GUSB: variants seen among roughly 807,000 people sequenced by gnomAD.
The protein encoded by GUSB is glucuronidase beta.
A neutral mutation model predicts 74.6 loss-of-function variants in GUSB; 51 were observed. The observed-to-expected ratio is 0.68, with a 90% CI of 0.55 to 0.86. The LOEUF (loss-of-function observed/expected upper bound fraction) is 0.86. Among genes scored for constraint, GUSB ranks in the 40% least tolerant of loss-of-function variants. The pLI, the probability that GUSB is intolerant of heterozygous loss-of-function variation, is 0.00. For synonymous variants in GUSB, 360 were observed against 348.3 expected (o/e 1.03, Z -0.37); for missense variants, 736 against 853.7 (o/e 0.86, Z 1.72).
intron 8 of GUSB, among the ~76,000 whole-genome samples, chr7:65,971,171 T>G (rs1791181166): frequency 6.6e-6 from 1 of 152,068 alleles, no homozygotes; most frequent in South Asian, 2.1e-4. Flanking sequence ...GATGCAGATT[T>G]GGGAGGGATA....
intron 4 of GUSB, 130 bp from the exon 5 acceptor site, chr7:65,976,332 T>A: frequency 3.2e-6 from 1 of 317,372 alleles, no homozygotes; most frequent in Non-Finnish European, 5.8e-6. Context: ...TAATTTCTTA[T>A]TTTTTTTTTT....
chr7:65,967,939 C>G, intron 9 of GUSB, 32 bp from the exon 10 acceptor site: 1 of 1,580,178 alleles, frequency 6.3e-7, no homozygotes, highest in South Asian at 1.1e-5. Context: ...CCGTTCAGCA[C>G]TCAGTAGACA....
intron 11 of GUSB, chr7:65,964,066 C>A: frequency 2.0e-6 from 1 of 498,678 alleles, no homozygotes; most frequent in East Asian, 3.9e-5. Flanking sequence ...AAAGGCAAGC[C>A]AGCCATTTCC....
chr7:65,974,918 C>T lies in GUSB; in HGVS notation c.1065+1G>A, dbSNP rs144455622. ...ACAAGGACCCAGGAGCCCCAACACACGTCCGCATCCTCATGCTTGTTGACA... is the reference window on the plus strand; with the variant it reads ...ACAAGGACCCAGGAGCCCCAACACATGTCCGCATCCTCATGCTTGTTGACA... On this transcript the variant is annotated splice_donor_variant, in intron 6 of 11. Transcript: ENST00000304895. LOFTEE classifies it high-confidence loss of function. 5.6e-6 allele frequency: 9 copies of T among 1,613,470 alleles called. No homozygotes were observed. Among genetic ancestry groups the T allele is most frequent in the South Asian group, 1.1e-5 (1 of 91,052 alleles).
At chr7:65,979,685 C>T (rs754898172) in intron 3 of GUSB, 42 bp downstream of exon 3, 27 of 1,597,006 alleles carry the variant, frequency 1.7e-5, no homozygotes, top group African/African-American at 2.7e-5. Flanking sequence ...CAGGGTGGGG[C>T]GGGAAGGTGG....
chr7:65,962,757 A>G (rs949988125), intron 11 of GUSB, among the ~76,000 whole-genome samples: 16 of 151,796 alleles, frequency 1.1e-4, no homozygotes, highest in African/African-American at 3.9e-4. Context: ...CTGCAATCCC[A>G]GTTAATCGGG....
intron 2 of GUSB, 65 bp from the exon 3 acceptor site, chr7:65,979,976 G>A (rs184274015): frequency 6.3e-4 from 840 of 1,337,542 alleles, no homozygotes; most frequent in Non-Finnish European, 7.6e-4. Flanking sequence ...CCCTACTATC[G>A]GGCACTCCCT....
At chr7:65,974,472 C>A (rs1018693505) in intron 7 of GUSB, 31 bp from the exon 8 acceptor site, 1 of 1,614,010 alleles carries the variant, frequency 6.2e-7, no homozygotes, top group Non-Finnish European at 8.5e-7. Flanking sequence ...GACAGAGGGT[C>A]ACGGTGACGC....
In GUSB at chr7:65,972,306, C is replaced by T. The variant is rs573003769; in HGVS notation, c.1392-1940G>A. On this transcript the variant is annotated intron_variant, in intron 8 of 11. Coordinates refer to ENST00000304895, the MANE Select transcript of GUSB (RefSeq NM_000181.4). ...CCTCCCAAGTAGCTGGGATTACAGA[C>T]GCCCACCTCTGTGTTCCGCTAATTG... 1.3e-3 allele frequency among the ~76,000 whole-genome samples: 200 copies of T among 152,116 alleles called. 1 individual carries two copies. The highest frequency in any genetic ancestry group is 4.5e-3 in the African/African-American group (186 of 41,534).
Position 65,979,465 on chromosome 7 carries a change from G to A in GUSB, c.658C>T (p.Leu220=), listed in dbSNP as rs760324067. 3 of 1,613,766 alleles carry A rather than the reference G, an allele frequency of 1.9e-6. No individual in the cohort carries two copies. Among genetic ancestry groups the A allele is most frequent in the South Asian group, 2.2e-5 (2 of 91,076 alleles). ...ATGTAGGTGGTGGGTGTCGTGTACAGAAGTACAGACCGCTGCAGTCCAGCG... is the reference window on the plus strand; with the variant it reads ...ATGTAGGTGGTGGGTGTCGTGTACAAAAGTACAGACCGCTGCAGTCCAGCG... ...NYAGLQRSVL[L]YTTPTTYIDD... The change falls in exon 4 of 12, where the codon CTG becomes TTG. Residue 220 remains leucine (L), a synonymous_variant. Coordinates refer to ENST00000304895, the MANE Select transcript of GUSB (RefSeq NM_000181.4).
rs541962464 is a variant in GUSB at position 65,961,699 on chromosome 7, C to T, written c.1790-636G>A. ...AGCCTGGCCAACATGAGGAAACCCG[C>T]CTCTATTAAAAATACAAAAACTGGC... On this transcript the variant is annotated intron_variant, in intron 11 of 11. Transcript: ENST00000304895. Among the ~76,000 whole-genome samples, 23 of 152,180 alleles carry T rather than the reference C, an allele frequency of 1.5e-4. 1 individual carries two copies. The South Asian group carries it at 2.7e-3, about 18-fold the overall frequency.
chr7:65,968,956 C>T (rs886723100), intron 9 of GUSB, among the ~76,000 whole-genome samples: 2 of 152,168 alleles, frequency 1.3e-5, no homozygotes, highest in African/African-American at 4.8e-5. Flanking sequence ...AAAAGTCACT[C>T]CAAGGAGCAG....
chr7:65,975,804 T>TCAGGC (rs1295630352), intron 5 of GUSB: 1 of 512,416 alleles, frequency 2.0e-6, no homozygotes, highest in East Asian at 3.4e-5. Context: ...TGAGCTGTGA[T>TCAGGC]CAGGCCATTG....
chr7:65,978,404 C>T (rs868810430), intron 4 of GUSB, among the ~76,000 whole-genome samples: 12 of 151,570 alleles, frequency 7.9e-5, no homozygotes, highest in African/African-American at 2.9e-4. Context: ...GCCAAGAACA[C>T]GCCACAGCAC....
rs1328717704 is a variant in GUSB, at chr7:65,967,811, A to G, written c.1573T>C (p.Phe525Leu). 4 of 1,612,180 alleles carry G rather than the reference A, an allele frequency of 2.5e-6. No homozygotes were observed. The highest frequency in any genetic ancestry group is 3.4e-6 in the Non-Finnish European group (4 of 1,179,634). The change falls in exon 10 of 12, where the codon TTT becomes CTT. Residue 525 changes from phenylalanine (F) to leucine (L), a missense_variant. By Grantham distance (22) the Phe-to-Leu change is conservative. Coordinates refer to ENST00000304895, the MANE Select transcript of GUSB (RefSeq NM_000181.4). The part of the protein sequence containing the change: ...ELIQLQLATQ[F>L]ENWYKKYQKP... The stretch of plus-strand genomic sequence containing the variant: ...TGATACTTCTTATACCAGTTCTCAA[A>G]CTGGGTGGCCAGCTGCAGCTGAATC...
rs545159890 is a variant in GUSB at position 65,973,869 on chromosome 7, T to C, written c.1391+426A>G. Among the ~76,000 whole-genome samples, 29 of 151,946 alleles carry C rather than the reference T, an allele frequency of 1.9e-4. No individual in the cohort carries two copies. The South Asian group carries it at 3.5e-3, about 19-fold the overall frequency. On this transcript the variant is annotated intron_variant, in intron 8 of 11. Transcript: ENST00000304895. ...TCACCTGAGCCTGGGAAGTCAAGGC[T>C]GCAGTAAGCCAAAACTGCACCGCTG... is the stretch of plus-strand genomic sequence containing the variant.
intron 11 of GUSB, among the ~76,000 whole-genome samples, chr7:65,962,373 G>A (rs202043091): frequency 2.6e-5 from 4 of 152,134 alleles, no homozygotes; most frequent in Non-Finnish European, 4.4e-5. Context: ...ACCACTAAAT[G>A]GAAATGTTAA....
At chr7:65,973,556 C>T (rs1206748194) in intron 8 of GUSB, among the ~76,000 whole-genome samples, 2 of 152,128 alleles carry the variant, frequency 1.3e-5, no homozygotes. Context: ...CACTGCACTC[C>T]AGCCTGGCCA....
intron 10 of GUSB, among the ~76,000 whole-genome samples, chr7:65,966,477 C>T (rs1157116197): frequency 6.6e-6 from 1 of 151,422 alleles, no homozygotes; most frequent in Non-Finnish European, 1.5e-5. Context: ...GTGAGGAGGA[C>T]AAAAAAATGA....
Sources: gnomAD v4.1 joint callset for allele counts (sites outside exome capture counted in the v4.1 genomes callset) on GRCh38, gnomAD v4.1.1 for gene constraint, MANE v1.5 for transcripts, NCBI Gene and HGNC (gene_info 2026-07-23, HGNC 2026-07-21) for gene names.